Variants in F11R observed in about 807,000 individuals in gnomAD.
F11R encodes the protein junctional adhesion molecule A.
Under a neutral mutation model 39.3 loss-of-function variants are expected in F11R, and 27 were observed. The ratio of observed to expected loss-of-function variants is 0.69; its 90% CI spans 0.51 to 0.95. The LOEUF (loss-of-function observed/expected upper bound fraction) is 0.95. Ranked by LOEUF, F11R falls within the 40% of genes least tolerant of loss-of-function variation. The pLI is 0.00. For synonymous variants in F11R, 131 were observed against 144.9 expected, an observed-to-expected ratio of 0.90 and a Z score of 0.69; for missense variants, 335 against 372.7, an observed-to-expected ratio of 0.90 and a Z score of 0.83.
chr1:161,012,025 A>G (rs146262170), intron 1 of F11R, among the ~76,000 whole-genome samples: 17 of 152,116 alleles, frequency 1.1e-4, no homozygotes, highest in African/African-American at 2.9e-4. Context: ...TCTGTACTCT[A>G]CCTAGTCAAT....
At chr1:161,000,018 A>G in intron 5 of F11R, 40 bp from the exon 6 acceptor site, 1 of 1,605,182 alleles carries the variant, frequency 6.2e-7, no homozygotes, top group Non-Finnish European at 8.5e-7. Flanking sequence ...CTGAAGAAGC[A>G]AAATAGACAT....
intron 1 of F11R, among the ~76,000 whole-genome samples, chr1:161,016,589 G>A (rs1489824474): frequency 2.0e-5 from 3 of 152,238 alleles, no homozygotes; most frequent in South Asian, 4.1e-4. Context: ...GCCGGGAGGT[G>A]GAGGTTGCAG....
Position 161,000,917 on chromosome 1 carries a change from C to T in F11R, c.241+103G>A, listed in dbSNP as rs950354248. 1.9e-5 allele frequency: 28 copies of T among 1,473,994 alleles called. No homozygotes were observed. The African/African-American group carries it at 3.5e-4, about 18-fold the overall frequency. 91.3% of individuals were successfully genotyped at this position (1,473,994 alleles called of 1,614,324 possible). On this transcript the variant is annotated intron_variant, in intron 3 of 9. Transcript: ENST00000368026. ...AGGAAGGCCATGAGGACTTCAGCCC[C>T]AGGGTGTGCCCTGGGATAAGGGCAC...
chr1:161,007,218 C>A (rs1648869807), intron 1 of F11R, among the ~76,000 whole-genome samples: 1 of 150,172 alleles, frequency 6.7e-6, no homozygotes, highest in South Asian at 2.1e-4. Context: ...GTAATCCCAG[C>A]ACTTTGGGAG....
At chr1:161,002,785 A>T (rs988944452) in intron 1 of F11R, among the ~76,000 whole-genome samples, 1 of 151,940 alleles carries the variant, frequency 6.6e-6, no homozygotes, top group Non-Finnish European at 1.5e-5. Context: ...TCTTTTTTTT[A>T]AATTTTGGCA....
At chr1:161,016,594 T>C (rs1368144574) in intron 1 of F11R, among the ~76,000 whole-genome samples, 1 of 151,534 alleles carries the variant, frequency 6.6e-6, no homozygotes, top group African/African-American at 2.4e-5. Flanking sequence ...GAGGTGGAGG[T>C]TGCAGTGAGC....
chr1:161,016,909 T>C (rs1455097220), intron 1 of F11R, among the ~76,000 whole-genome samples: 1 of 152,224 alleles, frequency 6.6e-6, no homozygotes, highest in Non-Finnish European at 1.5e-5. Context: ...GACTCCATTT[T>C]GTTCTGTACT....
rs141707969 is a variant in F11R at position 161,011,634 on chromosome 1, G to A, written c.64+9376C>T. On this transcript the variant is annotated intron_variant, in intron 1 of 9. Transcript: ENST00000368026. ...TAATCCCAGCTACTTGGGAGGCTGA[G>A]GCAGAGAATTGCTGGAGCCCAGGAA... Among the ~76,000 whole-genome samples, 375 of 152,064 alleles carry A rather than the reference G, an allele frequency of 2.5e-3. 4 individuals are homozygous for A. Among genetic ancestry groups the A allele is most frequent in the African/African-American group, 8.6e-3 (355 of 41,486 alleles).
At position 160,998,837 on chromosome 1, in the gene F11R, C is replaced by A. The variant is rs1648284888; in HGVS notation, c.*34G>T. 2 of 1,612,578 alleles carry A rather than the reference C, an allele frequency of 1.2e-6. No homozygotes were observed. Among genetic ancestry groups the A allele is most frequent in the Non-Finnish European group, 8.5e-7 (1 of 1,178,644 alleles). On this transcript the variant is annotated 3_prime_UTR_variant, in exon 10 of 10. Transcript: ENST00000368026. ...AGAGTCCGGTAGCACCTGAGTAAGG[C>A]AAATGCAGATGATAGGCGGTGAGCC...
At chr1:161,012,786 G>A (rs1461263822) in intron 1 of F11R, among the ~76,000 whole-genome samples, 9 of 151,846 alleles carry the variant, frequency 5.9e-5, no homozygotes, top group East Asian at 5.8e-4. Flanking sequence ...CACCATGCCC[G>A]GCTAATTTTT....
At chr1:161,002,338 A>G (rs1223170070) in intron 1 of F11R, among the ~76,000 whole-genome samples, 5 of 151,722 alleles carry the variant, frequency 3.3e-5, no homozygotes, top group African/African-American at 1.2e-4. Context: ...AGATCACCTC[A>G]TTAGAATATT....
Position 160,999,998 on chromosome 1 carries a change from T to A in F11R, c.592-20A>T, listed in dbSNP as rs769938101. Reference sequence around the variant, plus strand: ...AAAGACCTGAGGAAGGAAAACAAATTGGCTTCCTGCTGAAGAAGCAAAATA... The same window carrying A: ...AAAGACCTGAGGAAGGAAAACAAATAGGCTTCCTGCTGAAGAAGCAAAATA... On this transcript the variant is annotated intron_variant, in intron 5 of 9. Transcript: ENST00000368026. 7 of 1,611,804 alleles carry A rather than the reference T, an allele frequency of 4.3e-6. No homozygotes were observed. The Admixed American group carries it at 8.3e-5, about 19-fold the overall frequency.
chr1:161,013,527 G>T (rs1411107024), intron 1 of F11R, among the ~76,000 whole-genome samples: 1 of 152,146 alleles, frequency 6.6e-6, no homozygotes, highest in South Asian at 2.1e-4. Flanking sequence ...ACTCCCATAA[G>T]GGTTGGCCTC....
chr1:161,013,404 T>C (rs577266007), intron 1 of F11R, among the ~76,000 whole-genome samples: 2 of 152,336 alleles, frequency 1.3e-5, no homozygotes, highest in Non-Finnish European at 2.9e-5. Context: ...ACACCAATGT[T>C]TGTTGGATTA....
intron 9 of F11R, 52 bp from the exon 10 acceptor site, chr1:160,998,958 A>G: frequency 6.2e-7 from 1 of 1,613,852 alleles, no homozygotes; most frequent in Admixed American, 1.7e-5. Context: ...TTAGCTGATA[A>G]TCCCCAAAAC....
chr1:161,019,752 G>T (rs1038248568), intron 1 of F11R, among the ~76,000 whole-genome samples: 2 of 152,074 alleles, frequency 1.3e-5, no homozygotes, highest in East Asian at 3.8e-4. Context: ...AAAAGGAAAA[G>T]CAAGTCAAGA....
chr1:160,996,880 T>C lies in F11R; in HGVS notation c.*1991A>G, dbSNP rs1648159160. Reference sequence around the variant, plus strand: ...TTCATTTCTTCTGGAAAATTTATTGTTTATTGGCATGTGACCCTTGACTGA... The same window carrying C: ...TTCATTTCTTCTGGAAAATTTATTGCTTATTGGCATGTGACCCTTGACTGA... On this transcript the variant is annotated 3_prime_UTR_variant, in exon 10 of 10. Transcript: ENST00000368026. The C allele has an allele frequency of 6.6e-6, 1 of 152,382 alleles. No individual in the cohort carries two copies. The highest frequency in any genetic ancestry group is 1.5e-5 in the Non-Finnish European group (1 of 68,046). 9.4% of individuals were successfully genotyped at this position (152,382 alleles called of 1,614,324 possible).
chr1:161,010,677 G>A (rs1462089760), intron 1 of F11R, among the ~76,000 whole-genome samples: 1 of 151,970 alleles, frequency 6.6e-6, no homozygotes, highest in Non-Finnish European at 1.5e-5. Flanking sequence ...GCCTAAGAAA[G>A]CAATCAAAGA....
intron 1 of F11R, among the ~76,000 whole-genome samples, chr1:161,018,774 T>A (rs1223800927): frequency 1.3e-5 from 2 of 152,092 alleles, no homozygotes; most frequent in Non-Finnish European, 2.9e-5. Flanking sequence ...CTAGCCTGAT[T>A]TAAAAGTTAC....
Sources: gnomAD v4.1 joint callset for allele counts (sites outside exome capture counted in the v4.1 genomes callset) on GRCh38, gnomAD v4.1.1 for gene constraint, MANE v1.5 for transcripts, NCBI Gene and HGNC (gene_info 2026-07-23, HGNC 2026-07-21) for gene names.